NTRK2: variants seen among roughly 807,000 people sequenced by gnomAD.
NTRK2 encodes BDNF/NT-3 growth factors receptor.
In NTRK2, 13 loss-of-function variants were observed where a neutral mutation model predicts 94.5. The observed-to-expected ratio is 0.14, with a 90% CI of 0.09 to 0.22. The LOEUF is 0.22. Ranked by LOEUF, NTRK2 falls within the 10% of genes least tolerant of loss-of-function variation. The pLI is 1.00. For missense variants in NTRK2, 639 were observed against 1,071.2 expected (o/e 0.60, Z 5.63); for synonymous variants, 372 against 407.4 (o/e 0.91, Z 1.05).
rs150052575 is a variant in NTRK2, at chr9:84,683,521, C to G, written c.212+12561C>G. Among the ~76,000 whole-genome samples the G allele has an allele frequency of 4.2e-3, 647 of 152,270 alleles. 5 individuals carry two copies. Among genetic ancestry groups the G allele is most frequent in the Middle Eastern group, 0.027 (8 of 294 alleles). ...CATGTCCCTATAAAAGACATGATCT[C>G]ATTCTTTTTTGTGGCTGCATAGTAT... On this transcript the variant is annotated intron_variant, in intron 2 of 18. Transcript: ENST00000277120.
chr9:84,678,484 G>C (rs1005042576), intron 2 of NTRK2, among the ~76,000 whole-genome samples: 1 of 152,230 alleles, frequency 6.6e-6, no homozygotes, highest in Non-Finnish European at 1.5e-5. Flanking sequence ...AACAAGAGTT[G>C]TTTCTACTTC....
At chr9:84,892,909 C>T (rs909401484) in intron 14 of NTRK2, among the ~76,000 whole-genome samples, 7 of 149,702 alleles carry the variant, frequency 4.7e-5, no homozygotes, top group Non-Finnish European at 7.4e-5. Context: ...GCAACAAGAG[C>T]GAAACTCCAT....
chr9:84,937,234 TG>T (rs2078243562), intron 15 of NTRK2, among the ~76,000 whole-genome samples: 1 of 152,134 alleles, frequency 6.6e-6, no homozygotes, highest in Admixed American at 6.5e-5. Flanking sequence ...CTCTATGGAG[TG>T]ACTGCCGGGC....
intron 12 of NTRK2, among the ~76,000 whole-genome samples, chr9:84,854,202 G>T (rs2074943486): frequency 6.6e-6 from 1 of 152,058 alleles, no homozygotes; most frequent in Non-Finnish European, 1.5e-5. Context: ...AGCTTCCTCA[G>T]CTTTGGGATG....
At chr9:84,822,608 G>A (rs1041716409) in intron 12 of NTRK2, among the ~76,000 whole-genome samples, 1 of 152,198 alleles carries the variant, frequency 6.6e-6, no homozygotes, top group African/African-American at 2.4e-5. Context: ...AGGACTGTGG[G>A]TGAATAAGAG....
intron 12 of NTRK2, among the ~76,000 whole-genome samples, chr9:84,853,322 A>G (rs1397928991): frequency 6.6e-6 from 1 of 152,210 alleles, no homozygotes; most frequent in Admixed American, 6.5e-5. Flanking sequence ...ACTCAAGGTC[A>G]TGCCGTTCAC....
chr9:84,820,421 C>T (rs375467820), intron 12 of NTRK2, among the ~76,000 whole-genome samples: 48 of 152,192 alleles, frequency 3.2e-4, no homozygotes, highest in African/African-American at 4.3e-4. Flanking sequence ...TTGCCTGCCT[C>T]GGCCTCCCAA....
At chr9:84,689,721 A>G (rs1587959702) in intron 2 of NTRK2, among the ~76,000 whole-genome samples, 1 of 152,066 alleles carries the variant, frequency 6.6e-6, no homozygotes, top group East Asian at 1.9e-4. Flanking sequence ...ACCACCATCC[A>G]TTTCCAGAAC....
At chr9:84,762,561 T>C (rs2132668491) in intron 12 of NTRK2, among the ~76,000 whole-genome samples, 1 of 152,348 alleles carries the variant, frequency 6.6e-6, no homozygotes, top group Non-Finnish European at 1.5e-5. Context: ...CGTTTATCCC[T>C]CACATTATAT....
chr9:84,976,118 G>A (rs1304516595), intron 17 of NTRK2, among the ~76,000 whole-genome samples: 4 of 152,188 alleles, frequency 2.6e-5, no homozygotes, highest in Admixed American at 6.5e-5. Flanking sequence ...GTATGAGTCA[G>A]CTTAGCTGCC....
At chr9:84,920,851 G>A (rs2077542934) in intron 14 of NTRK2, among the ~76,000 whole-genome samples, 1 of 152,178 alleles carries the variant, frequency 6.6e-6, no homozygotes, top group African/African-American at 2.4e-5. Context: ...CAGGGACAGT[G>A]TCATCAGCAG....
At chr9:84,814,345 A>ACCAGTTTCACG (rs57981521) in intron 12 of NTRK2, 8 of 1,065,398 alleles carry the variant, frequency 7.5e-6, no homozygotes, top group Non-Finnish European at 9.1e-6. Context: ...AAGACAGAAA[A>ACCAGTTTCACG]CCAGTTTCAC....
Position 84,752,065 on chromosome 9 carries a change from A to G in NTRK2, c.1376A>G (p.His459Arg). The G allele has an allele frequency of 6.2e-7, 1 of 1,613,836 alleles. No homozygotes were observed. Residue 459 changes from histidine to arginine, a missense_variant, in exon 12 of 19, where the codon CAC (histidine) becomes CGC (arginine). Around this residue, in one of 5 missense-constraint regions of NTRK2, gnomAD observed 343 missense variants for 571.5 expected, o/e 0.60. Coordinates refer to ENST00000277120, the MANE Select transcript of NTRK2 (RefSeq NM_006180.6). Reference sequence around the variant, plus strand: ...CTGTTTCTGCTTAAGTTGGCAAGACACTCCAAGTTTGGCATGAAAGGTAAG... The same window carrying G: ...CTGTTTCTGCTTAAGTTGGCAAGACGCTCCAAGTTTGGCATGAAAGGTAAG... ...VMLFLLKLAR[H>R]SKFGMKDFSW...
chr9:84,699,847 AT>A (rs1408928720), intron 2 of NTRK2, among the ~76,000 whole-genome samples: 1 of 149,230 alleles, frequency 6.7e-6, no homozygotes, highest in African/African-American at 2.5e-5. Context: ...TTCCATTTTT[AT>A]TTGCTGGTTC....
At chr9:84,826,118 G>A (rs1388074546) in intron 12 of NTRK2, among the ~76,000 whole-genome samples, 1 of 152,210 alleles carries the variant, frequency 6.6e-6, no homozygotes, top group Non-Finnish European at 1.5e-5. Context: ...TGAACCAGGG[G>A]CTGCCATAAC....
At chr9:84,722,717 G>C (rs1000359981) in intron 6 of NTRK2, among the ~76,000 whole-genome samples, 2 of 152,134 alleles carry the variant, frequency 1.3e-5, no homozygotes, top group East Asian at 1.9e-4. Flanking sequence ...CACTCAGTTG[G>C]TGTGATAATT....
At chr9:84,873,932 A>G in intron 14 of NTRK2, 1 of 1,063,162 alleles carries the variant, frequency 9.4e-7, no homozygotes, top group South Asian at 4.6e-5. Flanking sequence ...GACTGTGTTT[A>G]CTCCCTCATC....
chr9:84,870,967 C>G (rs1192093362), intron 14 of NTRK2, among the ~76,000 whole-genome samples: 1 of 152,126 alleles, frequency 6.6e-6, no homozygotes, highest in Non-Finnish European at 1.5e-5. Flanking sequence ...TATGATCTTA[C>G]TCATCTCACT....
At chr9:84,764,254 T>G (rs1254200869) in intron 12 of NTRK2, among the ~76,000 whole-genome samples, 1 of 152,226 alleles carries the variant, frequency 6.6e-6, no homozygotes, top group Non-Finnish European at 1.5e-5. Flanking sequence ...GTTTGTAGGG[T>G]GATAATTTGA....
Sources: gnomAD v4.1 joint callset for allele counts (sites outside exome capture counted in the v4.1 genomes callset) on GRCh38, gnomAD v4.1.1 for gene constraint, gnomAD v4.1.1 regional missense constraint, MANE v1.5 for transcripts, NCBI Gene and HGNC (gene_info 2026-07-23, HGNC 2026-07-21) for gene names.